TOR1A: variants seen among roughly 807,000 people sequenced by gnomAD.
TOR1A encodes torsin-1A.
A neutral mutation model predicts 31.4 loss-of-function variants in TOR1A; 18 were observed. That is an observed-to-expected ratio of 0.57 (90% CI 0.40 to 0.85). TOR1A has a LOEUF of 0.85. Among genes scored for constraint, TOR1A ranks in the 40% least tolerant of loss-of-function variants. The probability of loss-of-function intolerance (pLI) is 0.00; values close to 1 mark genes in which losing one functional copy is unlikely to be tolerated. For missense variants in TOR1A, 375 were observed against 416.4 expected (o/e 0.90, Z 0.87); for synonymous variants, 168 against 165.9 (o/e 1.01, Z -0.10).
In TOR1A at chr9:129,822,976, G is replaced by T; in HGVS notation, c.179-130C>A. 3 of 1,333,854 alleles carry T rather than the reference G, an allele frequency of 2.2e-6. No individual in the cohort carries two copies. In the South Asian group the frequency reaches 3.7e-5, roughly 16 times the overall value. 82.6% of individuals were successfully genotyped at this position (1,333,854 alleles called of 1,614,324 possible). On this transcript the variant is annotated intron_variant, in intron 1 of 4. Transcript: ENST00000351698. ...AGCACCTTGCGAAACCTCAAGTACT[G>T]CGGTCTGTAAGCTCCTGGCCCAGAG...
intron 2 of TOR1A, chr9:129,822,094 C>T: frequency 4.3e-6 from 1 of 232,340 alleles, no homozygotes; most frequent in Non-Finnish European, 8.7e-6. Context: ...GGCAAAACCC[C>T]ATCTCTACTA....
chr9:129,822,707 G>GGTGCCTGTCCACCC lies in TOR1A; in HGVS notation c.304_317dup (p.Lys108GlyfsTer22). On this transcript the variant is annotated frameshift_variant, in exon 2 of 5. Transcript: ENST00000351698. LOFTEE classifies it high-confidence loss of function. ...TGATCTTGCTGACGAAATTTTTGCCGGTGCCTGTCCACCCGTGCAGGGAGA... is the reference window on the plus strand; with the variant it reads ...TGATCTTGCTGACGAAATTTTTGCCGGTGCCTGTCCACCCGTGCCTGTCCACCCGTGCAGGGAGA... 1 of 1,614,148 alleles carries GGTGCCTGTCCACCC rather than the reference G, an allele frequency of 6.2e-7. No homozygotes were observed. Among genetic ancestry groups the GGTGCCTGTCCACCC allele is most frequent in the Non-Finnish European group, 8.5e-7 (1 of 1,180,032 alleles).
In TOR1A at chr9:129,818,650, G is replaced by A. The variant is rs1292192713; in HGVS notation, c.621-3C>T. The A allele has an allele frequency of 8.1e-6, 13 of 1,614,210 alleles. No homozygotes were observed. Among genetic ancestry groups the A allele is most frequent in the South Asian group, 2.2e-5 (2 of 91,080 alleles). On this transcript the variant is annotated splice_polypyrimidine_tract_variant and splice_region_variant and intron_variant, in intron 3 of 4. Transcript: ENST00000351698. Reference sequence around the variant, plus strand: ...TGATCCTTTCTGCTCCAGCATTGCTGCAAAACAATCCCAGTGGGTAAGGAC... The same window carrying A: ...TGATCCTTTCTGCTCCAGCATTGCTACAAAACAATCCCAGTGGGTAAGGAC...
In TOR1A at chr9:129,823,996, C is replaced by T; in HGVS notation, c.90G>A (p.Leu30=). The T allele has an allele frequency of 1.2e-6, 2 of 1,611,232 alleles. No homozygotes were observed. Among genetic ancestry groups the T allele is most frequent in the Non-Finnish European group, 1.7e-6 (2 of 1,179,552 alleles). ...AGATGTAGCCGGTGAGGACGCCGGC[C>T]AGGGCCAGTCCCAGGCTGATGGGCT... The part of the protein sequence containing the change: ...AVEPISLGLA[L]AGVLTGYIYP... Residue 30 remains leucine (L), a synonymous_variant, in exon 1 of 5, where the codon CTG becomes CTA. Transcript: ENST00000351698.
chr9:129,821,529 G>C lies in TOR1A; in HGVS notation c.444+1052C>G, dbSNP rs554952573. ...CTTTCCTAAGACTACGGAGCTGGGA[G>C]AGTGTTAGGACTCAAATCCAGATGT... is the stretch of plus-strand genomic sequence containing the variant. On this transcript the variant is annotated intron_variant, in intron 2 of 4. Transcript: ENST00000351698. 3.9e-5 allele frequency: 6 copies of C among 152,330 alleles called. No homozygotes were observed. The South Asian group carries it at 1.2e-3, about 32-fold the overall frequency. 9.4% of individuals were successfully genotyped at this position (152,330 alleles called of 1,614,324 possible). A position where few individuals can be genotyped will look rare whatever the true frequency, so the allele number is the denominator to read the frequency against.
chr9:129,815,893 C>A (rs1381968227), intron 4 of TOR1A, among the ~76,000 whole-genome samples: 2 of 152,158 alleles, frequency 1.3e-5, no homozygotes. Flanking sequence ...TGTCCCTCCA[C>A]CCCCACCGCT....
chr9:129,816,872 C>A (rs140240004), intron 4 of TOR1A, among the ~76,000 whole-genome samples: 1 of 152,328 alleles, frequency 6.6e-6, no homozygotes, highest in East Asian at 1.9e-4. Flanking sequence ...ACATACTGTA[C>A]CCCATGCTGT....
At position 129,814,058 on chromosome 9, in the gene TOR1A, T is replaced by G; in HGVS notation, c.913A>C (p.Thr305Pro). 1 of 1,614,222 alleles carries G rather than the reference T, an allele frequency of 6.2e-7. No homozygotes were observed. Among genetic ancestry groups the G allele is most frequent in the South Asian group, 1.1e-5 (1 of 91,084 alleles). Residue 305 changes from threonine (T) to proline (P), a missense_variant, in exon 5 of 5, where the codon ACA becomes CCA. By Grantham distance (38) the Thr-to-Pro change is conservative (BLOSUM62 -1). Transcript: ENST00000351698. ...ACTCTCTCCTCTTTGGGGAAAAATG[T>G]CATCTCCTCAGCCACTCTGCTTACA... is the stretch of plus-strand genomic sequence containing the variant. ...DIVSRVAEEM[T>P]FFPKEERVFS... is the part of the protein sequence containing the mutation.
intron 2 of TOR1A, among the ~76,000 whole-genome samples, chr9:129,820,224 C>T (rs981658327): frequency 3.3e-5 from 5 of 152,046 alleles, no homozygotes; most frequent in East Asian, 1.9e-4. Context: ...CAGATTCAAG[C>T]GATTCCCTTG....
chr9:129,813,886 A>T lies in TOR1A; in HGVS notation c.*86T>A. On this transcript the variant is annotated 3_prime_UTR_variant, in exon 5 of 5. Transcript: ENST00000351698. ...ATTCACTGGATTCCTCTTCCAGGGA[A>T]AGGAGCTGGGGGTGGAAGTGTGGAA... 1 of 1,546,602 alleles carries T rather than the reference A, an allele frequency of 6.5e-7. No individual in the cohort carries two copies. Among genetic ancestry groups the T allele is most frequent in the Non-Finnish European group, 8.9e-7 (1 of 1,128,328 alleles).
chr9:129,824,062 C>A lies in TOR1A; in HGVS notation c.24G>T (p.Leu8=). 6.3e-7 allele frequency: 1 copy of A among 1,596,554 alleles called. No homozygotes were observed. The highest frequency in any genetic ancestry group is 8.5e-7 in the Non-Finnish European group (1 of 1,174,226). ...CGGACGGCGCCAGCAGCAGCAGGCC[C>A]AGCACGGCCCGGCCCAGCTTCATGC... MKLGRAV[L]GLLLLAPSVV... is the part of the protein sequence containing the mutation. The change falls in exon 1 of 5, where the codon CTG becomes CTT. Residue 8 remains leucine (L), a synonymous_variant. Transcript: ENST00000351698.
In TOR1A at chr9:129,822,562, T is replaced by G; in HGVS notation, c.444+19A>C. ...AACCCGATGACATCCAGGAAGGGAT[T>G]CCAAACTTCCATCCTTGCCTTGTAC... is the stretch of plus-strand genomic sequence containing the variant. On this transcript the variant is annotated intron_variant, in intron 2 of 4. Coordinates refer to ENST00000351698, the MANE Select transcript of TOR1A (RefSeq NM_000113.3). 1 of 1,614,036 alleles carries G rather than the reference T, an allele frequency of 6.2e-7. No homozygotes were observed.
rs995758870 is a variant in TOR1A at position 129,813,809 on chromosome 9, C to G, written c.*163G>C. The G allele has an allele frequency of 1.2e-5, 14 of 1,144,300 alleles. No individual in the cohort carries two copies. The African/African-American group carries it at 2.1e-4, about 17-fold the overall frequency. The allele number at this position is 1,144,300 out of a possible 1,614,324, so 70.9% of individuals were successfully genotyped here. A position where few individuals can be genotyped will look rare whatever the true frequency, so the allele number is the denominator to read the frequency against. ...GTGGTCCCTGGGTGGCCTGCAGGCA[C>G]CAGGGGGTGGAAACAATGCCAGGGA... is the stretch of plus-strand genomic sequence containing the variant. On this transcript the variant is annotated 3_prime_UTR_variant, in exon 5 of 5. Transcript: ENST00000351698.
At chr9:129,814,925 G>A (rs1415773426) in intron 4 of TOR1A, among the ~76,000 whole-genome samples, 2 of 152,178 alleles carry the variant, frequency 1.3e-5, no homozygotes, top group Non-Finnish European at 2.9e-5. Context: ...CCTGGAGAGT[G>A]CAGATGTGCA....
chr9:129,821,176 G>A (rs1203017111), intron 2 of TOR1A, among the ~76,000 whole-genome samples: 1 of 152,114 alleles, frequency 6.6e-6, no homozygotes, highest in Non-Finnish European at 1.5e-5. Flanking sequence ...GGTGGCAGGT[G>A]CCTGTAATAC....
At chr9:129,816,569 G>A (rs958854594) in intron 4 of TOR1A, among the ~76,000 whole-genome samples, 1 of 152,150 alleles carries the variant, frequency 6.6e-6, no homozygotes, top group East Asian at 1.9e-4. Context: ...CCCGTCCTAG[G>A]TATGATGCCT....
chr9:129,819,011 C>T lies in TOR1A; in HGVS notation c.445-91G>A, dbSNP rs1240223617. Reference sequence around the variant, plus strand: ...CCACTAAGAACCGCAGCTTCACTTACAGACCACTGTGCACTCGGCACTAAG... The same window carrying T: ...CCACTAAGAACCGCAGCTTCACTTATAGACCACTGTGCACTCGGCACTAAG... On this transcript the variant is annotated intron_variant, in intron 2 of 4. Coordinates refer to ENST00000351698, the MANE Select transcript of TOR1A (RefSeq NM_000113.3). 51 of 1,435,836 alleles carry T rather than the reference C, an allele frequency of 3.6e-5. No homozygotes were observed. The Admixed American group carries it at 8.6e-4, about 24-fold the overall frequency. The allele number at this position is 1,435,836 out of a possible 1,614,324, so 88.9% of individuals were successfully genotyped here.
At chr9:129,822,536 A>G in intron 2 of TOR1A, 45 bp downstream of exon 2, 1 of 1,613,052 alleles carries the variant, frequency 6.2e-7, no homozygotes, top group Non-Finnish European at 8.5e-7. Context: ...AAGAGACCCC[A>G]AACCCGATGA....
At chr9:129,816,857 C>T (rs1206166874) in intron 4 of TOR1A, among the ~76,000 whole-genome samples, 3 of 152,238 alleles carry the variant, frequency 2.0e-5, no homozygotes, top group Non-Finnish European at 4.4e-5. Flanking sequence ...CACTTGCACA[C>T]ACTGACATAC....
Sources: allele counts gnomAD v4.1 joint callset (sites outside exome capture counted in the v4.1 genomes callset), GRCh38; gene constraint gnomAD v4.1.1; transcripts MANE v1.5; gene names NCBI Gene and HGNC (gene_info 2026-07-23, HGNC 2026-07-21).